ANKS1B: variants seen among roughly 807,000 people sequenced by gnomAD.
ANKS1B encodes ankyrin repeat and sterile alpha motif domain-containing protein 1B.
Under a neutral mutation model 148.3 loss-of-function variants are expected in ANKS1B, and 36 were observed. The ratio of observed to expected loss-of-function variants is 0.24; its 90% CI spans 0.19 to 0.32. ANKS1B has a LOEUF of 0.32. Ranked by LOEUF, ANKS1B falls within the 10% of genes least tolerant of loss-of-function variation. The pLI is 1.00. For synonymous variants in ANKS1B, 542 were observed against 560.8 expected, an observed-to-expected ratio of 0.97 and a Z score of 0.47; for missense variants, 1,157 against 1,542.6, an observed-to-expected ratio of 0.75 and a Z score of 4.19.
intron 17 of ANKS1B, among the ~76,000 whole-genome samples, chr12:99,024,046 T>C (rs1180742926): frequency 6.6e-6 from 1 of 151,742 alleles, no homozygotes; most frequent in Non-Finnish European, 1.5e-5. Context: ...GAGGTAATCA[T>C]GTTGCTCAGT....
At chr12:99,017,896 A>G (rs1487315347) in intron 17 of ANKS1B, among the ~76,000 whole-genome samples, 4 of 152,224 alleles carry the variant, frequency 2.6e-5, no homozygotes, top group Admixed American at 2.0e-4. Context: ...TAGTCTCACT[A>G]GTATGTAATC....
intron 22 of ANKS1B, among the ~76,000 whole-genome samples, chr12:98,785,709 C>T (rs540724319): frequency 2.0e-5 from 3 of 152,104 alleles, no homozygotes; most frequent in East Asian, 1.9e-4. Context: ...GGGACGAAGG[C>T]GCCTACTCTG....
rs1354111786 is a variant in ANKS1B at position 99,060,990 on chromosome 12, C to G, written c.2626-7681G>C. ...TATTTAGAACAAGAGGATAAGGAAC[C>G]CTGAAAAGCCAATAATGGATTAGAC... On this transcript the variant is annotated intron_variant, in intron 16 of 26. Transcript: ENST00000683438. Among the ~76,000 whole-genome samples, 3 of 151,960 alleles carry G rather than the reference C, an allele frequency of 2.0e-5. No homozygotes were observed. In the East Asian group the frequency reaches 5.8e-4, roughly 29 times the overall value.
At chr12:99,928,275 T>TTA (rs532845152) in intron 1 of ANKS1B, among the ~76,000 whole-genome samples, 31,146 of 131,174 alleles carry the variant, frequency 0.24, 3,606 homozygotes, top group African/African-American at 0.27. Flanking sequence ...TATTTTATTT[T>TTA]TTTTTTTTTT....
chr12:99,300,325 G>T lies in ANKS1B; in HGVS notation c.1757-53461C>A, dbSNP rs560284531. On this transcript the variant is annotated intron_variant, in intron 12 of 26. Transcript: ENST00000683438. ...AATATAGCTCATTATCATTTTAGAA[G>T]GATAATTATAGATAATTACAGGTAA... Among the ~76,000 whole-genome samples the T allele has an allele frequency of 2.5e-3, 293 of 116,236 alleles. 1 individual carries two copies. The highest frequency in any genetic ancestry group is 0.014 in the African/African-American group (260 of 18,724). The allele number at this position is 116,236 out of a possible 152,430, so 76.3% of individuals were successfully genotyped here.
intron 19 of ANKS1B, among the ~76,000 whole-genome samples, chr12:98,820,368 A>G (rs901601277): frequency 6.6e-6 from 1 of 152,200 alleles, no homozygotes; most frequent in African/African-American, 2.4e-5. Context: ...ATGCCGATGA[A>G]TCACCAGGCC....
At chr12:98,886,000 A>G (rs2099739208) in intron 17 of ANKS1B, among the ~76,000 whole-genome samples, 1 of 152,038 alleles carries the variant, frequency 6.6e-6, no homozygotes, top group South Asian at 2.1e-4. Context: ...TAAGGGAGGG[A>G]GGCAGGAGGA....
chr12:99,184,933 G>A (rs1466528553), intron 14 of ANKS1B, among the ~76,000 whole-genome samples: 3 of 152,164 alleles, frequency 2.0e-5, no homozygotes, highest in Non-Finnish European at 4.4e-5. Flanking sequence ...ACAGTAGTTA[G>A]TATATACTTT....
chr12:99,876,304 C>G (rs917383107), intron 1 of ANKS1B, among the ~76,000 whole-genome samples: 4 of 152,124 alleles, frequency 2.6e-5, no homozygotes, highest in Admixed American at 6.5e-5. Flanking sequence ...AAAAATTGCA[C>G]AAAGTTGTGC....
At chr12:99,028,406 C>G (rs2099950043) in intron 17 of ANKS1B, among the ~76,000 whole-genome samples, 1 of 152,164 alleles carries the variant, frequency 6.6e-6, no homozygotes, top group Admixed American at 6.5e-5. Flanking sequence ...ATTGTAACAA[C>G]AGCTATAGCG....
At chr12:99,511,729 A>G (rs1567241625) in intron 9 of ANKS1B, among the ~76,000 whole-genome samples, 1 of 152,052 alleles carries the variant, frequency 6.6e-6, no homozygotes, top group Non-Finnish European at 1.5e-5. Context: ...AGACCAATGG[A>G]ACAGAATAGA....
At chr12:99,130,080 T>C (rs1161683341) in intron 15 of ANKS1B, among the ~76,000 whole-genome samples, 1 of 152,244 alleles carries the variant, frequency 6.6e-6, no homozygotes, top group Non-Finnish European at 1.5e-5. Flanking sequence ...TTTAGCAGTT[T>C]GGTGTCTAGT....
At chr12:99,186,329 T>C (rs1023991698) in intron 14 of ANKS1B, among the ~76,000 whole-genome samples, 1 of 152,168 alleles carries the variant, frequency 6.6e-6, no homozygotes, top group African/African-American at 2.4e-5. Flanking sequence ...GACATAAATG[T>C]TCCTGCCTGC....
rs552203783 is a variant in ANKS1B, at chr12:98,829,594, A to G, written c.2887-241T>C. ...GAGTCAGGTTCTGTTTTCCTAAAGCAGCATCATGGATGGTCTCAGGAGGGA... is the reference window on the plus strand; with the variant it reads ...GAGTCAGGTTCTGTTTTCCTAAAGCGGCATCATGGATGGTCTCAGGAGGGA... On this transcript the variant is annotated intron_variant, in intron 18 of 26. Coordinates refer to ENST00000683438, the MANE Select transcript of ANKS1B (RefSeq NM_001352186.2). The surrounding 1 kb of genome is among the most constrained non-coding windows in gnomAD (Gnocchi z 5.2). Among the ~76,000 whole-genome samples, 3 of 152,338 alleles carry G rather than the reference A, an allele frequency of 2.0e-5. No homozygotes were observed. Among genetic ancestry groups the G allele is most frequent in the African/African-American group, 7.2e-5 (3 of 41,576 alleles).
At chr12:99,590,089 T>A (rs1022972921) in intron 9 of ANKS1B, among the ~76,000 whole-genome samples, 3 of 152,066 alleles carry the variant, frequency 2.0e-5, no homozygotes, top group Admixed American at 1.3e-4. Flanking sequence ...ACTAAAAATA[T>A]AATGCTGAAA....
chr12:99,651,174 C>A (rs1056851696), intron 9 of ANKS1B, among the ~76,000 whole-genome samples: 2 of 152,208 alleles, frequency 1.3e-5, no homozygotes, highest in Non-Finnish European at 1.5e-5. Context: ...ACCCTCACAG[C>A]GCTTACGACT....
chr12:99,892,692 T>C (rs556887667), intron 1 of ANKS1B, among the ~76,000 whole-genome samples: 2 of 152,310 alleles, frequency 1.3e-5, no homozygotes, highest in African/African-American at 4.8e-5. Flanking sequence ...GATATTTTAC[T>C]ACACTCTACA....
intron 17 of ANKS1B, among the ~76,000 whole-genome samples, chr12:99,040,136 G>A (rs1203418561): frequency 6.6e-6 from 1 of 152,084 alleles, no homozygotes; most frequent in East Asian, 1.9e-4. Flanking sequence ...TAATGAAGTA[G>A]GTCTGGCCAT....
intron 8 of ANKS1B, among the ~76,000 whole-genome samples, chr12:99,738,625 G>T (rs777967842): frequency 2.2e-4 from 33 of 152,112 alleles, no homozygotes; most frequent in Non-Finnish European, 3.8e-4. Flanking sequence ...CAATTAAAAT[G>T]ATCAGTGAAA....
Sources: allele counts gnomAD v4.1 joint callset (sites outside exome capture counted in the v4.1 genomes callset), GRCh38; gene constraint gnomAD v4.1.1; non-coding constraint Gnocchi (gnomAD v3.1); transcripts MANE v1.5; gene names NCBI Gene and HGNC (gene_info 2026-07-23, HGNC 2026-07-21).